The following TTC7A variants were observed in gnomAD, a reference collection of about 807,000 sequenced individuals.
The protein encoded by TTC7A is tetratricopeptide repeat protein 7A.
Under a neutral mutation model 103.7 loss-of-function variants are expected in TTC7A, and 110 were observed. That is an observed-to-expected ratio of 1.06 (90% confidence interval 0.91 to 1.24). The LOEUF (loss-of-function observed/expected upper bound fraction) is 1.24, where lower values mean the gene tolerates loss of function less well. TTC7A is among the 50% of genes most tolerant of loss of function. The probability of loss-of-function intolerance (pLI) is 0.00; values close to 1 mark genes in which losing one functional copy is unlikely to be tolerated. For synonymous variants in TTC7A, 521 were observed against 467.9 expected (o/e 1.11, Z -1.47); for missense variants, 1,340 against 1,116.3 (o/e 1.20, Z -2.86).
intron 2 of TTC7A, among the ~76,000 whole-genome samples, chr2:46,926,218 G>C (rs182904736): frequency 6.6e-6 from 1 of 152,214 alleles, no homozygotes; most frequent in South Asian, 2.1e-4. Context: ...TCTCCTCAGA[G>C]TGGAGCAGTG....
At position 47,051,810 on chromosome 2, in the gene TTC7A, G is replaced by A; in HGVS notation, c.2082G>A (p.Met694Ile). ...AGGAGGCCATGTCAGAGCTGACTATGCCCTCTTCGGTCCTGAAGCAGGGCC... is the reference window on the plus strand; with the variant it reads ...AGGAGGCCATGTCAGAGCTGACTATACCCTCTTCGGTCCTGAAGCAGGGCC... ...RLEEAMSELT[M>I]PSSVLKQGPM... Residue 694 changes from methionine (M) to isoleucine (I), a missense_variant, in exon 18 of 20, where the codon ATG (methionine) becomes ATA (isoleucine). Transcript: ENST00000319190. The A allele has an allele frequency of 3.7e-6, 6 of 1,612,074 alleles. No individual in the cohort carries two copies. Among genetic ancestry groups the A allele is most frequent in the Middle Eastern group, 2.1e-4 (1 of 4,856 alleles).
At chr2:46,963,700 T>G (rs1010444171) in intron 3 of TTC7A, among the ~76,000 whole-genome samples, 15 of 152,150 alleles carry the variant, frequency 9.9e-5, no homozygotes, top group Non-Finnish European at 4.4e-5. Flanking sequence ...TAGAAAGTTG[T>G]TGGAGCAGCA....
intron 19 of TTC7A, among the ~76,000 whole-genome samples, chr2:47,070,067 C>CG (rs397736968): frequency 6.6e-6 from 1 of 152,162 alleles, no homozygotes; most frequent in African/African-American, 2.4e-5. Context: ...GGCAGGCCCC[C>CG]CTCAAAGGAA....
Position 46,978,909 on chromosome 2 carries a change from T to C in TTC7A, c.764+2T>C. On this transcript the variant is annotated splice_donor_variant, in intron 5 of 19. Transcript: ENST00000319190. LOFTEE classifies it high-confidence loss of function. Reference sequence around the variant, plus strand: ...CTATGTGAAAAACCTGAAGAAGGGGTAGGTCACTGGTAGTTGAGTGAGTGG... The same window carrying C: ...CTATGTGAAAAACCTGAAGAAGGGGCAGGTCACTGGTAGTTGAGTGAGTGG... 6.2e-7 allele frequency: 1 copy of C among 1,609,282 alleles called. No individual in the cohort carries two copies. The highest frequency in any genetic ancestry group is 8.5e-7 in the Non-Finnish European group (1 of 1,175,766).
At chr2:47,046,227 C>G in intron 15 of TTC7A, 88 bp from the exon 16 acceptor site, 1 of 974,658 alleles carries the variant, frequency 1.0e-6, no homozygotes, top group Non-Finnish European at 1.6e-6. Flanking sequence ...GGGAGGTGAG[C>G]ATGTGGAGCC....
Position 47,049,934 on chromosome 2 carries a change from T to A in TTC7A, c.1920-15T>A. 1 of 1,611,416 alleles carries A rather than the reference T, an allele frequency of 6.2e-7. No individual in the cohort carries two copies. Among genetic ancestry groups the A allele is most frequent in the Non-Finnish European group, 8.5e-7 (1 of 1,177,746 alleles). ...CCTCTACCTTACCGGACCCTGGCCC[T>A]CTTTTGCCTTCCAGAGGCCTAGAAA... On this transcript the variant is annotated splice_polypyrimidine_tract_variant and intron_variant, in intron 16 of 19. Transcript: ENST00000319190.
Position 46,941,405 on chromosome 2 carries a change from C to G in TTC7A, c.-137C>G. The G allele has an allele frequency of 1.3e-6, 1 of 767,252 alleles. No homozygotes were observed. The highest frequency in any genetic ancestry group is 1.7e-6 in the Non-Finnish European group (1 of 591,686). The allele number at this position is 767,252 out of a possible 1,614,324, so 47.5% of individuals were successfully genotyped here. On this transcript the variant is annotated 5_prime_UTR_variant, in exon 1 of 20. Coordinates refer to ENST00000319190, the MANE Select transcript of TTC7A (RefSeq NM_020458.4). This position sits in a 1 kb window ranked among gnomAD's most constrained non-coding sequence, Gnocchi z 4.2. ...TGCTGCCCACCCTCCGCCGCCCGGG[C>G]CCCCGCTGCCGCCCGGGCCCCGGCT...
At chr2:46,972,831 G>C (rs1029832491) in intron 3 of TTC7A, among the ~76,000 whole-genome samples, 4 of 152,216 alleles carry the variant, frequency 2.6e-5, no homozygotes, top group African/African-American at 9.6e-5. Context: ...TGTCCAAAAA[G>C]GTTCACATTT....
At chr2:46,935,645 C>T (rs1016802891) in intron 2 of TTC7A, among the ~76,000 whole-genome samples, 2 of 152,156 alleles carry the variant, frequency 1.3e-5, no homozygotes, top group African/African-American at 4.8e-5. Context: ...CGCAGTGATC[C>T]AACTGAGACC....
At chr2:46,917,362 A>C (rs1308960021) in intron 2 of TTC7A, 2 of 594,176 alleles carry the variant, frequency 3.4e-6, no homozygotes. Context: ...CCTTACTCTG[A>C]ACTTTGGATT....
intron 4 of TTC7A, among the ~76,000 whole-genome samples, chr2:46,976,890 G>A (rs1572787471): frequency 6.6e-6 from 1 of 152,162 alleles, no homozygotes; most frequent in African/African-American, 2.4e-5. Context: ...AATGACCGAT[G>A]GGCTCAGCAA....
intron 15 of TTC7A, among the ~76,000 whole-genome samples, chr2:47,033,606 C>T (rs1572974369): frequency 6.6e-6 from 1 of 152,328 alleles, no homozygotes; most frequent in Non-Finnish European, 1.5e-5. Flanking sequence ...TGACCTGTGC[C>T]ACCTGCAGCA....
chr2:46,979,881 G>A (rs372807289), intron 5 of TTC7A, among the ~76,000 whole-genome samples: 2 of 152,178 alleles, frequency 1.3e-5, no homozygotes, highest in East Asian at 1.9e-4. Context: ...CATCACTGAC[G>A]AGAGGAGCAG....
At chr2:46,961,038 A>T (rs4953438) in intron 3 of TTC7A, among the ~76,000 whole-genome samples, 108,106 of 152,058 alleles carry the variant, frequency 0.71, 38,573 homozygotes, top group Middle Eastern at 0.76. Flanking sequence ...ACATCCATCA[A>T]CTTGGTCTAG....
At chr2:47,070,164 T>G (rs1423337382) in intron 19 of TTC7A, among the ~76,000 whole-genome samples, 1 of 152,228 alleles carries the variant, frequency 6.6e-6, no homozygotes, top group East Asian at 1.9e-4. Flanking sequence ...TGGGATGGTG[T>G]GCAGTGGAAT....
intron 2 of TTC7A, among the ~76,000 whole-genome samples, chr2:46,953,049 T>C (rs375272903): frequency 6.6e-6 from 1 of 152,232 alleles, no homozygotes; most frequent in East Asian, 1.9e-4. Context: ...CATATTTTGT[T>C]AAACAAAGAC....
At chr2:46,929,328 A>G (rs754933875) in intron 2 of TTC7A, among the ~76,000 whole-genome samples, 1 of 151,970 alleles carries the variant, frequency 6.6e-6, no homozygotes, top group Non-Finnish European at 1.5e-5. Flanking sequence ...CTATAGGAAA[A>G]ATTTAAAAAC....
At chr2:47,041,263 T>A (rs1426643983) in intron 15 of TTC7A, among the ~76,000 whole-genome samples, 1 of 152,194 alleles carries the variant, frequency 6.6e-6, no homozygotes, top group Non-Finnish European at 1.5e-5. Context: ...GGGAATCAAG[T>A]AACAGGCTCC....
rs150977922 is a variant in TTC7A at position 46,950,479 on chromosome 2, G to A, written c.301G>A (p.Glu101Lys). The change falls in exon 2 of 20, where the codon GAA becomes AAA. Residue 101 changes from glutamate to lysine, a missense_variant. Glu to Lys is a moderately conservative substitution (Grantham distance 56). Coordinates refer to ENST00000319190, the MANE Select transcript of TTC7A (RefSeq NM_020458.4). ...GGAGAAGAATGAGCCGAAGATGAGCGAAGCCAAAAATTATCTAAGCAGTAT... is the reference window on the plus strand; with the variant it reads ...GGAGAAGAATGAGCCGAAGATGAGCAAAGCCAAAAATTATCTAAGCAGTAT... ...LLEKNEPKMS[E>K]AKNYLSSILN... is the part of the protein sequence containing the mutation. 6.8e-6 allele frequency: 11 copies of A among 1,614,136 alleles called. No individual in the cohort carries two copies. Among genetic ancestry groups the A allele is most frequent in the African/African-American group, 6.7e-5 (5 of 75,012 alleles).
Sources: gnomAD v4.1 joint callset for allele counts (sites outside exome capture counted in the v4.1 genomes callset) on GRCh38, gnomAD v4.1.1 for gene constraint, Gnocchi (gnomAD v3.1) non-coding constraint, MANE v1.5 for transcripts, NCBI Gene and HGNC (gene_info 2026-07-23, HGNC 2026-07-21) for gene names.